Variants in CACNG2 observed in about 807,000 individuals in gnomAD.
CACNG2 encodes the protein voltage-dependent calcium channel gamma-2 subunit.
Under a neutral mutation model 25.9 loss-of-function variants are expected in CACNG2, and 3 were observed. That is an observed-to-expected ratio of 0.12 (90% CI 0.05 to 0.30). The LOEUF (loss-of-function observed/expected upper bound fraction) is 0.30, where lower values mean the gene tolerates loss of function less well. CACNG2 is among the 10% of genes least tolerant of loss of function. The probability of loss-of-function intolerance (pLI) is 1.00; values close to 1 mark genes in which losing one functional copy is unlikely to be tolerated. For missense variants in CACNG2, 341 were observed against 432.5 expected (o/e 0.79, Z 1.88); for synonymous variants, 167 against 173.3 (o/e 0.96, Z 0.29).
At chr22:36,681,907 C>T (rs562041047) in intron 1 of CACNG2, among the ~76,000 whole-genome samples, 41 of 152,228 alleles carry the variant, frequency 2.7e-4, no homozygotes, top group African/African-American at 9.6e-4. Flanking sequence ...GATAATTACT[C>T]CCCCCACTCT....
At chr22:36,631,664 G>A (rs897090298) in intron 1 of CACNG2, among the ~76,000 whole-genome samples, 1 of 151,954 alleles carries the variant, frequency 6.6e-6, no homozygotes, top group Non-Finnish European at 1.5e-5. Context: ...GCACTGTCCT[G>A]TCTCACTCTC....
intron 2 of CACNG2, 94 bp from the exon 3 acceptor site, chr22:36,566,587 G>C: frequency 7.5e-7 from 1 of 1,334,944 alleles, no homozygotes; most frequent in Non-Finnish European, 1.1e-6. Context: ...CGAGGCGCTG[G>C]GGGTTTATGG....
At chr22:36,600,171 G>T (rs752295894) in intron 1 of CACNG2, among the ~76,000 whole-genome samples, 9 of 152,228 alleles carry the variant, frequency 5.9e-5, no homozygotes, top group Non-Finnish European at 1.3e-4. Flanking sequence ...CTCCCATGGA[G>T]TGTTATACCA....
intron 1 of CACNG2, among the ~76,000 whole-genome samples, chr22:36,598,668 A>G (rs1307539548): frequency 6.6e-6 from 1 of 150,452 alleles, no homozygotes; most frequent in Non-Finnish European, 1.5e-5. Flanking sequence ...ACAAACGAAC[A>G]AACAAAAGAC....
intron 1 of CACNG2, among the ~76,000 whole-genome samples, chr22:36,689,791 G>T (rs1361930662): frequency 6.6e-6 from 1 of 152,378 alleles, no homozygotes; most frequent in Non-Finnish European, 1.5e-5. Context: ...ATGCCACGTG[G>T]CTGGCCACCA....
At chr22:36,634,871 C>A (rs1470183503) in intron 1 of CACNG2, among the ~76,000 whole-genome samples, 1 of 152,196 alleles carries the variant, frequency 6.6e-6, no homozygotes, top group Non-Finnish European at 1.5e-5. Context: ...GAGTGAATGT[C>A]TCTGGGATTA....
At chr22:36,638,585 T>C (rs1417818514) in intron 1 of CACNG2, among the ~76,000 whole-genome samples, 1 of 152,186 alleles carries the variant, frequency 6.6e-6, no homozygotes, top group Admixed American at 6.6e-5. Context: ...TATTTCTCAC[T>C]TGGAGAGAGT....
At chr22:36,616,161 G>C (rs1936019511) in intron 1 of CACNG2, among the ~76,000 whole-genome samples, 1 of 152,174 alleles carries the variant, frequency 6.6e-6, no homozygotes, top group Admixed American at 6.5e-5. Context: ...GTGATATGGA[G>C]ATAAGAAAAG....
chr22:36,587,444 A>G, intron 2 of CACNG2, 21 bp downstream of exon 2: 3 of 1,579,690 alleles, frequency 1.9e-6, no homozygotes, highest in Non-Finnish European at 2.6e-6. Flanking sequence ...GAGGGAGATA[A>G]AAACAATCGT....
intron 2 of CACNG2, among the ~76,000 whole-genome samples, chr22:36,583,273 A>G (rs1875237745): frequency 6.6e-6 from 1 of 152,032 alleles, no homozygotes; most frequent in Non-Finnish European, 1.5e-5. Context: ...TCTCTACTAA[A>G]AATACAAAAA....
At chr22:36,600,697 C>T (rs1031502674) in intron 1 of CACNG2, among the ~76,000 whole-genome samples, 1 of 152,056 alleles carries the variant, frequency 6.6e-6, no homozygotes, top group Non-Finnish European at 1.5e-5. Context: ...CAGACACGCA[C>T]CACCAAGCTT....
intron 1 of CACNG2, among the ~76,000 whole-genome samples, chr22:36,682,912 TA>T (rs934232771): frequency 1.3e-5 from 2 of 152,138 alleles, no homozygotes; most frequent in African/African-American, 2.4e-5. Flanking sequence ...TTCCTTCATT[TA>T]AAAAAAATCT....
intron 1 of CACNG2, among the ~76,000 whole-genome samples, chr22:36,683,434 C>T (rs1035317394): frequency 1.3e-5 from 2 of 152,148 alleles, no homozygotes; most frequent in Non-Finnish European, 2.9e-5. Context: ...TCTCTCTGAC[C>T]CAGCACCTGG....
chr22:36,594,299 T>G (rs1935639494), intron 1 of CACNG2, among the ~76,000 whole-genome samples: 1 of 152,202 alleles, frequency 6.6e-6, no homozygotes. Flanking sequence ...AGTACAGAAC[T>G]TACTAGAGTG....
chr22:36,687,954 G>A (rs906474277), intron 1 of CACNG2, among the ~76,000 whole-genome samples: 1 of 152,220 alleles, frequency 6.6e-6, no homozygotes, highest in African/African-American at 2.4e-5. Flanking sequence ...TGAGACCCAG[G>A]TTAGACTTCC....
chr22:36,668,117 A>T (rs1346714420), intron 1 of CACNG2, among the ~76,000 whole-genome samples: 2 of 152,182 alleles, frequency 1.3e-5, no homozygotes, highest in Non-Finnish European at 2.9e-5. Flanking sequence ...CGGGGCCTGC[A>T]GCTCCGCATC....
intron 1 of CACNG2, among the ~76,000 whole-genome samples, chr22:36,618,479 C>T (rs1029985474): frequency 3.3e-5 from 5 of 152,244 alleles, no homozygotes; most frequent in African/African-American, 4.8e-5. Flanking sequence ...CCAGGGCTTA[C>T]CTTTCTCTAG....
intron 2 of CACNG2, among the ~76,000 whole-genome samples, chr22:36,580,864 A>C (rs1935403622): frequency 6.6e-6 from 1 of 152,028 alleles, no homozygotes; most frequent in African/African-American, 2.4e-5. Context: ...ACACACACAC[A>C]ACACACAGGG....
intron 1 of CACNG2, among the ~76,000 whole-genome samples, chr22:36,670,295 C>A (rs1569047178): frequency 6.6e-6 from 1 of 152,174 alleles, no homozygotes; most frequent in Non-Finnish European, 1.5e-5. Flanking sequence ...ACCCAATTCT[C>A]CATCATCCCA....
Sources: gnomAD v4.1 joint callset for allele counts (sites outside exome capture counted in the v4.1 genomes callset) on GRCh38, gnomAD v4.1.1 for gene constraint, MANE v1.5 for transcripts, NCBI Gene and HGNC (gene_info 2026-07-23, HGNC 2026-07-21) for gene names.